DIP2C: variants seen among roughly 807,000 people sequenced by gnomAD.
DIP2C encodes DIP2 acetate--CoA ligase C (putative).
Under a neutral mutation model 192.4 loss-of-function variants are expected in DIP2C, and 33 were observed. The observed-to-expected ratio is 0.17, with a 90% CI of 0.13 to 0.23. DIP2C has a LOEUF of 0.23. DIP2C is among the 10% of genes least tolerant of loss of function. DIP2C has a pLI of 1.00. For missense variants in DIP2C, 1,537 were observed against 2,110.1 expected, an observed-to-expected ratio of 0.73 and a Z score of 5.32; for synonymous variants, 979 against 864.1, an observed-to-expected ratio of 1.13 and a Z score of -2.33.
At chr10:585,945 G>A (rs1850996537) in intron 1 of DIP2C, among the ~76,000 whole-genome samples, 1 of 152,170 alleles carries the variant, frequency 6.6e-6, no homozygotes, top group Middle Eastern at 3.2e-3. Flanking sequence ...ATATCCAACT[G>A]CTGTAAAAGG....
chr10:368,927 G>A (rs916597861), intron 18 of DIP2C, among the ~76,000 whole-genome samples: 1 of 152,260 alleles, frequency 6.6e-6, no homozygotes, highest in Admixed American at 6.5e-5. Flanking sequence ...TGGTAAAGCG[G>A]CTCCTGGGAG....
intron 21 of DIP2C, 136 bp from the exon 22 acceptor site, chr10:362,827 G>T: frequency 9.8e-7 from 1 of 1,022,698 alleles, no homozygotes; most frequent in Non-Finnish European, 1.4e-6. Flanking sequence ...AAAATGCCAA[G>T]GTAAGAGAAA....
In DIP2C at chr10:685,934, A is replaced by G. The variant is rs183846784; in HGVS notation, c.85+3560T>C. Among the ~76,000 whole-genome samples, 625 of 119,596 alleles carry G rather than the reference A, an allele frequency of 5.2e-3. 2 individuals are homozygous for G. Among genetic ancestry groups the G allele is most frequent in the Middle Eastern group, 0.013 (3 of 236 alleles). 78.5% of individuals were successfully genotyped at this position (119,596 alleles called of 152,430 possible). On this transcript the variant is annotated intron_variant, in intron 1 of 36. Coordinates refer to ENST00000280886, the MANE Select transcript of DIP2C (RefSeq NM_014974.3). ...TGAGCTCATACCACTGCACTCCAGC[A>G]TGGGAGACAGAGTGAGACCGTCTCA...
intron 1 of DIP2C, chr10:630,010 T>G (rs935826153): frequency 6.6e-6 from 1 of 152,238 alleles, no homozygotes; most frequent in East Asian, 1.9e-4. Flanking sequence ...GGGCCACACC[T>G]GCACCCACCT....
At chr10:298,987 G>A (rs1172357617) in intron 32 of DIP2C, among the ~76,000 whole-genome samples, 3 of 152,212 alleles carry the variant, frequency 2.0e-5, no homozygotes, top group African/African-American at 7.2e-5. Flanking sequence ...ATATGTTTAT[G>A]AGCATGTGTA....
At chr10:301,641 G>A (rs913942362) in intron 32 of DIP2C, among the ~76,000 whole-genome samples, 2 of 152,240 alleles carry the variant, frequency 1.3e-5, no homozygotes, top group Non-Finnish European at 2.9e-5. Flanking sequence ...TCTAAAAAAG[G>A]AGAGACAAAA....
At chr10:642,397 A>G (rs780620639) in intron 1 of DIP2C, among the ~76,000 whole-genome samples, 14 of 152,220 alleles carry the variant, frequency 9.2e-5, no homozygotes, top group Non-Finnish European at 1.9e-4. Flanking sequence ...CGCCCTAAAC[A>G]CGCCCATCTC....
At chr10:537,173 T>A (rs1442941758) in intron 1 of DIP2C, among the ~76,000 whole-genome samples, 1 of 151,966 alleles carries the variant, frequency 6.6e-6, no homozygotes, top group African/African-American at 2.4e-5. Flanking sequence ...CAAGGCCGTA[T>A]GAAGGAGGGC....
chr10:449,820 C>T (rs1243995257), intron 3 of DIP2C, among the ~76,000 whole-genome samples: 1 of 149,242 alleles, frequency 6.7e-6, no homozygotes, highest in Admixed American at 6.7e-5. Flanking sequence ...ATTCAGTTAC[C>T]TAATTCCATG....
intron 3 of DIP2C, among the ~76,000 whole-genome samples, chr10:456,747 G>A (rs768406973): frequency 6.6e-6 from 1 of 152,154 alleles, no homozygotes; most frequent in Non-Finnish European, 1.5e-5. Flanking sequence ...CACTACATAG[G>A]GCCATCTGTG....
chr10:573,064 T>C lies in DIP2C; in HGVS notation c.86-86534A>G, dbSNP rs577670396. On this transcript the variant is annotated intron_variant, in intron 1 of 36. Transcript: ENST00000280886. ...CCACGAATGAGAGGTACCATTTTCATTCTCGGAGGGAAATGCTACAAAGCA... is the reference window on the plus strand; with the variant it reads ...CCACGAATGAGAGGTACCATTTTCACTCTCGGAGGGAAATGCTACAAAGCA... Among the ~76,000 whole-genome samples the C allele has an allele frequency of 5.8e-4, 89 of 152,284 alleles. 1 individual carries two copies. The highest frequency in any genetic ancestry group is 2.0e-3 in the African/African-American group (85 of 41,546).
chr10:615,432 G>A (rs750058880), intron 1 of DIP2C, among the ~76,000 whole-genome samples: 4 of 152,092 alleles, frequency 2.6e-5, no homozygotes, highest in Non-Finnish European at 5.9e-5. Flanking sequence ...CCTCAGGGAC[G>A]CTAAATTTGA....
intron 17 of DIP2C, among the ~76,000 whole-genome samples, chr10:379,032 C>T (rs1589656954): frequency 6.6e-6 from 1 of 152,206 alleles, no homozygotes; most frequent in East Asian, 1.9e-4. Context: ...TGGAGACTGG[C>T]CTTTCTGTGA....
intron 1 of DIP2C, among the ~76,000 whole-genome samples, chr10:646,179 G>A (rs1855442710): frequency 6.6e-6 from 1 of 152,180 alleles, no homozygotes; most frequent in African/African-American, 2.4e-5. Context: ...CCCAGCCCCA[G>A]CAGGAATGTG....
intron 1 of DIP2C, among the ~76,000 whole-genome samples, chr10:660,582 A>C (rs1363075707): frequency 2.6e-5 from 4 of 152,276 alleles, no homozygotes; most frequent in African/African-American, 9.6e-5. Context: ...CAAAGGGCAC[A>C]GACTGGAGAA....
At chr10:587,471 A>T (rs1419534239) in intron 1 of DIP2C, among the ~76,000 whole-genome samples, 1 of 152,222 alleles carries the variant, frequency 6.6e-6, no homozygotes, top group African/African-American at 2.4e-5. Flanking sequence ...AATCCAGGTC[A>T]TTTAATAAAA....
intron 9 of DIP2C, 97 bp downstream of exon 9, chr10:408,829 T>C (rs1047906171): frequency 8.5e-6 from 10 of 1,179,978 alleles, no homozygotes; most frequent in Non-Finnish European, 1.1e-5. Flanking sequence ...CAATAGAAAG[T>C]GGAGGTGGCG....
intron 6 of DIP2C, among the ~76,000 whole-genome samples, chr10:417,215 C>A (rs1258317439): frequency 6.6e-6 from 1 of 152,054 alleles, no homozygotes; most frequent in African/African-American, 2.4e-5. Context: ...GCCTCAGGGA[C>A]CCCCGAACTT....
chr10:606,445 G>C (rs952801675), intron 1 of DIP2C, among the ~76,000 whole-genome samples: 18 of 150,798 alleles, frequency 1.2e-4, no homozygotes, highest in Non-Finnish European at 2.5e-4. Flanking sequence ...TTGGGAAGGG[G>C]ATCTCTCGCC....
Sources: allele counts gnomAD v4.1 joint callset (sites outside exome capture counted in the v4.1 genomes callset), GRCh38; gene constraint gnomAD v4.1.1; transcripts MANE v1.5; gene names NCBI Gene and HGNC (gene_info 2026-07-23, HGNC 2026-07-21).